The following PTPRD variants were observed in gnomAD, a reference collection of about 807,000 sequenced individuals.
PTPRD encodes the protein protein tyrosine phosphatase receptor type D.
A neutral mutation model predicts 214.5 loss-of-function variants in PTPRD; 34 were observed. That is an observed-to-expected ratio of 0.16 (90% confidence interval 0.12 to 0.21). PTPRD has a LOEUF of 0.21. Ranked by LOEUF, PTPRD falls within the 10% of genes least tolerant of loss-of-function variation. PTPRD has a pLI of 1.00. For missense variants in PTPRD, 2,545 were observed against 2,398.7 expected (o/e 1.06, Z -1.27); for synonymous variants, 1,128 against 845.7 (o/e 1.33, Z -5.79).
At chr9:9,384,690 ATAC>A (rs2063355324) in intron 9 of PTPRD, among the ~76,000 whole-genome samples, 1 of 151,978 alleles carries the variant, frequency 6.6e-6, no homozygotes. Flanking sequence ...TTGTTTGCCA[ATAC>A]TAATAAAATG....
At chr9:10,103,713 T>C (rs1490512005) in intron 3 of PTPRD, among the ~76,000 whole-genome samples, 1 of 151,500 alleles carries the variant, frequency 6.6e-6, no homozygotes, top group Non-Finnish European at 1.5e-5. Context: ...CAAATGGAGC[T>C]CTGGAGTCTT....
At chr9:9,282,527 T>G (rs925518807) in intron 9 of PTPRD, among the ~76,000 whole-genome samples, 2 of 151,420 alleles carry the variant, frequency 1.3e-5, no homozygotes. Flanking sequence ...TTTATGTGAG[T>G]ATTTAAATTT....
chr9:9,949,799 T>G (rs1195448904), intron 4 of PTPRD, among the ~76,000 whole-genome samples: 1 of 152,164 alleles, frequency 6.6e-6, no homozygotes, highest in Non-Finnish European at 1.5e-5. Context: ...GACATCAACT[T>G]TAGACTGAAG....
chr9:10,367,804 T>G (rs561017257), intron 2 of PTPRD, among the ~76,000 whole-genome samples: 27 of 152,190 alleles, frequency 1.8e-4, no homozygotes, highest in Admixed American at 6.6e-4. Context: ...CTACTCTAAA[T>G]TCAGACAATG....
intron 3 of PTPRD, among the ~76,000 whole-genome samples, chr9:10,050,513 T>C (rs1160543553): frequency 1.7e-5 from 2 of 118,968 alleles, no homozygotes; most frequent in Admixed American, 1.3e-4. Context: ...TGAGCCGAAA[T>C]AGTGCCACTG....
At chr9:9,121,747 C>T (rs779053439) in intron 10 of PTPRD, among the ~76,000 whole-genome samples, 13 of 152,066 alleles carry the variant, frequency 8.5e-5, no homozygotes, top group Non-Finnish European at 1.5e-4. Context: ...ATGGGTGCAT[C>T]AGGTTCTCAC....
At chr9:10,134,653 G>T (rs747454261) in intron 3 of PTPRD, among the ~76,000 whole-genome samples, 1 of 151,838 alleles carries the variant, frequency 6.6e-6, no homozygotes, top group Non-Finnish European at 1.5e-5. Context: ...GAAGCTAGTC[G>T]TGTATATTCA....
intron 11 of PTPRD, among the ~76,000 whole-genome samples, chr9:8,832,776 T>TTCTCTC (rs138693882): frequency 1.7e-4 from 25 of 149,750 alleles, no homozygotes; most frequent in African/African-American, 5.6e-4. Flanking sequence ...TAAATTGGAG[T>TTCTCTC]TCTCTCTCTC....
chr9:9,197,595 G>A (rs2099939348), intron 9 of PTPRD, among the ~76,000 whole-genome samples: 1 of 152,184 alleles, frequency 6.6e-6, no homozygotes, highest in South Asian at 2.1e-4. Flanking sequence ...ATTTTTAGTA[G>A]AGATGGAGTT....
chr9:8,863,142 T>C (rs1208419033), intron 11 of PTPRD, among the ~76,000 whole-genome samples: 1 of 152,210 alleles, frequency 6.6e-6, no homozygotes, highest in Non-Finnish European at 1.5e-5. Context: ...CTGACTGCTC[T>C]GTTCAGCTGC....
chr9:9,594,094 C>G lies in PTPRD; in HGVS notation c.-286-19313G>C, dbSNP rs116283555. 4.2e-3 allele frequency among the ~76,000 whole-genome samples: 641 copies of G among 152,016 alleles called. 3 individuals are homozygous for G. Among genetic ancestry groups the G allele is most frequent in the African/African-American group, 0.014 (601 of 41,498 alleles). ...TCCTGTTGCATTGAAAATATCAGTT[C>G]AGTATGAATCATTTTAGAATATGAA... On this transcript the variant is annotated intron_variant, in intron 7 of 45. Coordinates refer to ENST00000381196, the MANE Select transcript of PTPRD (RefSeq NM_002839.4).
At chr9:8,613,384 T>C (rs1473129918) in intron 14 of PTPRD, among the ~76,000 whole-genome samples, 1 of 152,152 alleles carries the variant, frequency 6.6e-6, no homozygotes, top group African/African-American at 2.4e-5. Context: ...ATATCTTACT[T>C]TGCCTTCCTT....
intron 11 of PTPRD, among the ~76,000 whole-genome samples, chr9:8,825,239 G>A (rs989307179): frequency 6.6e-6 from 1 of 152,078 alleles, no homozygotes; most frequent in Non-Finnish European, 1.5e-5. Flanking sequence ...CAAGGTATGT[G>A]GCCAGTTTTC....
chr9:9,519,762 C>A (rs558644441), intron 8 of PTPRD, among the ~76,000 whole-genome samples: 4 of 151,912 alleles, frequency 2.6e-5, no homozygotes, highest in African/African-American at 9.7e-5. Flanking sequence ...TCAATATTAT[C>A]AAAATGTTGA....
intron 2 of PTPRD, among the ~76,000 whole-genome samples, chr9:10,565,951 T>C (rs911790408): frequency 1.3e-5 from 2 of 152,088 alleles, no homozygotes; most frequent in Non-Finnish European, 2.9e-5. Flanking sequence ...TTCTTCTGCT[T>C]TTCTTCATAA....
chr9:9,911,692 A>G (rs528415520), intron 5 of PTPRD, among the ~76,000 whole-genome samples: 24 of 152,286 alleles, frequency 1.6e-4, no homozygotes, highest in African/African-American at 5.5e-4. Context: ...CAAAATGCCA[A>G]GTAACTGGGC....
At chr9:9,941,401 C>T (rs1036675558) in intron 4 of PTPRD, among the ~76,000 whole-genome samples, 2 of 152,186 alleles carry the variant, frequency 1.3e-5, no homozygotes, top group Non-Finnish European at 2.9e-5. Flanking sequence ...CAGCTCGCTG[C>T]AATTTCTGCC....
At chr9:10,164,818 A>G (rs189065267) in intron 3 of PTPRD, among the ~76,000 whole-genome samples, 25 of 151,636 alleles carry the variant, frequency 1.6e-4, no homozygotes, top group African/African-American at 4.1e-4. Flanking sequence ...TAAAGGTTTT[A>G]GAAATATAAA....
At chr9:8,864,447 G>A (rs957303150) in intron 11 of PTPRD, among the ~76,000 whole-genome samples, 1 of 152,166 alleles carries the variant, frequency 6.6e-6, no homozygotes, top group Non-Finnish European at 1.5e-5. Context: ...AAATAAACGA[G>A]AGTAAAACAC....
Sources: allele counts gnomAD v4.1 joint callset (sites outside exome capture counted in the v4.1 genomes callset), GRCh38; gene constraint gnomAD v4.1.1; transcripts MANE v1.5; gene names NCBI Gene and HGNC (gene_info 2026-07-23, HGNC 2026-07-21).